The following ABCA2 variants were observed in gnomAD, a reference collection of about 807,000 sequenced individuals.
ABCA2 encodes the protein ATP-binding cassette sub-family A member 2.
Under a neutral mutation model 262.8 loss-of-function variants are expected in ABCA2, and 84 were observed. That is an observed-to-expected ratio of 0.32 (90% CI 0.27 to 0.38). The LOEUF is 0.38. Among genes scored for constraint, ABCA2 ranks in the 10% least tolerant of loss-of-function variants. The pLI is 1.00. For missense variants in ABCA2, 2,662 were observed against 3,405.9 expected, an observed-to-expected ratio of 0.78 and a Z score of 5.44; for synonymous variants, 1,696 against 1,502.9, an observed-to-expected ratio of 1.13 and a Z score of -2.97.
In ABCA2 at chr9:137,011,461, G is replaced by A. The variant is rs776706177; in HGVS notation, c.5745C>T (p.Ile1915=). The A allele has an allele frequency of 1.5e-5, 24 of 1,610,564 alleles. No homozygotes were observed. Among genetic ancestry groups the A allele is most frequent in the Admixed American group, 1.2e-4 (7 of 59,790 alleles). ...AGGTGGCCACGGTGGCGGTGATGCC[G>A]ATGAAGAGATTGATGACAATGAGGA... ...YVFLIVINLF[I]GITATVATFL... The change falls in exon 37 of 49, where the codon ATC becomes ATT. Residue 1915 remains isoleucine (I), a synonymous_variant. Coordinates refer to ENST00000341511, the MANE Select transcript of ABCA2 (RefSeq NM_001606.5). This position sits in a 1 kb window ranked among gnomAD's most constrained non-coding sequence, Gnocchi z 8.8.
chr9:137,013,890 C>T lies in ABCA2; in HGVS notation c.4389G>A (p.Leu1463=). The T allele has an allele frequency of 6.2e-7, 1 of 1,612,422 alleles. No individual in the cohort carries two copies. The highest frequency in any genetic ancestry group is 8.5e-7 in the Non-Finnish European group (1 of 1,179,802). Residue 1463 remains leucine, a synonymous_variant, in exon 28 of 49, where the codon TTG becomes TTA. Coordinates refer to ENST00000341511, the MANE Select transcript of ABCA2 (RefSeq NM_001606.5). ...CCACGCAGACGAAGAAGGCTGGCAGCAAGATCTGGGAGAAGAGTGCCTTGG... is the reference window on the plus strand; with the variant it reads ...CCACGCAGACGAAGAAGGCTGGCAGTAAGATCTGGGAGAAGAGTGCCTTGG... ...RNSKALFSQI[L]LPAFFVCVAM...
rs756750110 is a variant in ABCA2 at position 137,022,673 on chromosome 9, GC to G, written c.439+28del. On this transcript the variant is annotated intron_variant, in intron 5 of 48. Coordinates refer to ENST00000341511, the MANE Select transcript of ABCA2 (RefSeq NM_001606.5). ...ACAGCAGAGCTTTGCCCGCAGCCCT[GC>G]CCCCCAACTTCCCTGCACAGGGCAC... The G allele has an allele frequency of 6.3e-6, 10 of 1,596,024 alleles. No homozygotes were observed. In the South Asian group the frequency reaches 7.9e-5, roughly 13 times the overall value.
rs953521564 is a variant in ABCA2, at chr9:137,021,631, C to T, written c.679-21G>A. The stretch of plus-strand genomic sequence containing the variant: ...AGCTCCTGGGATGGGCACAGGGGTC[C>T]GTGGAGCCACGGCAAGGACTTTGTC... On this transcript the variant is annotated intron_variant, in intron 7 of 48. Transcript: ENST00000341511. This position sits in a 1 kb window ranked among gnomAD's most constrained non-coding sequence, Gnocchi z 6.0. The T allele has an allele frequency of 1.6e-5, 24 of 1,541,212 alleles. No individual in the cohort carries two copies. In the Admixed American group the frequency reaches 3.1e-4, roughly 20 times the overall value.
In ABCA2 at chr9:137,010,979, C is replaced by A. The variant is rs772518849; in HGVS notation, c.6050G>T (p.Arg2017Leu). 1.3e-6 allele frequency: 2 copies of A among 1,559,850 alleles called. No homozygotes were observed. Among genetic ancestry groups the A allele is most frequent in the Non-Finnish European group, 1.7e-6 (2 of 1,150,226 alleles). ...TIMCQYNFLR[R>L]PQRMPVSTKP... The stretch of plus-strand genomic sequence containing the variant: ...CACCCCGCCCCCCACTCACTGTGGC[C>A]GCCGCAGGAAGTTGTACTGGCACAT... The change falls in exon 39 of 49, where the codon CGG (arginine) becomes CTG (leucine). Residue 2017 changes from arginine (R) to leucine (L), a missense_variant. This residue lies in a region of ABCA2 where 602 missense variants were observed against 897.4 expected (regional missense o/e 0.67). Coordinates refer to ENST00000341511, the MANE Select transcript of ABCA2 (RefSeq NM_001606.5).
At chr9:137,028,672 C>T (rs1831750200), upstream of ABCA2, 1 of 1,183,344 alleles carries the variant, frequency 8.5e-7, no homozygotes, top group Non-Finnish European at 1.1e-6. The surrounding 1 kb of genome is among the most constrained non-coding windows in gnomAD (Gnocchi z 6.9). Flanking sequence ...TAAGGGTCTC[C>T]TGTGTGCTTT....
chr9:137,028,617 C>A, upstream of ABCA2: 1 of 1,078,420 alleles, frequency 9.3e-7, no homozygotes, highest in Non-Finnish European at 1.2e-6. The surrounding 1 kb of genome is among the most constrained non-coding windows in gnomAD (Gnocchi z 6.9). Flanking sequence ...TCACTGTCCC[C>A]GGGGCGCGCC....
At position 137,020,579 on chromosome 9, in the gene ABCA2, T is replaced by G; in HGVS notation, c.1266-84A>C. 11 of 1,546,556 alleles carry G rather than the reference T, an allele frequency of 7.1e-6. No homozygotes were observed. In the South Asian group the frequency reaches 1.2e-4, roughly 17 times the overall value. On this transcript the variant is annotated intron_variant, in intron 9 of 48. Transcript: ENST00000341511. ...GAGGGGCATCGGGATGGGGCAGGAC[T>G]TCGGGGCACAGGGCAGGGCGCCAAA...
At position 137,020,739 on chromosome 9, in the gene ABCA2, A is replaced by G; in HGVS notation, c.1220T>C (p.Val407Ala). The G allele has an allele frequency of 6.2e-6, 10 of 1,602,010 alleles. No individual in the cohort carries two copies. Among genetic ancestry groups the G allele is most frequent in the Non-Finnish European group, 8.5e-6 (10 of 1,179,038 alleles). Reference protein sequence around the residue: ...DTLQGQCSAFVQLWAGLQPIL... With the variant: ...DTLQGQCSAFAQLWAGLQPIL... ...GGGCTGCAGGCCGGCCCAGAGCTGTACGAAGGCTGAGCACTGGCCCTGCAG... is the reference window on the plus strand; with the variant it reads ...GGGCTGCAGGCCGGCCCAGAGCTGTGCGAAGGCTGAGCACTGGCCCTGCAG... Residue 407 changes from valine to alanine, a missense_variant, in exon 9 of 49, where the codon GTA becomes GCA. By Grantham distance (64) the Val-to-Ala change is moderately conservative (BLOSUM62 0). Transcript: ENST00000341511.
In ABCA2 at chr9:137,009,068, C is replaced by T. The variant is rs377540935; in HGVS notation, c.6828-15G>A. 39 of 1,601,726 alleles carry T rather than the reference C, an allele frequency of 2.4e-5. No individual in the cohort carries two copies. In the African/African-American group the frequency reaches 2.9e-4, roughly 12 times the overall value. On this transcript the variant is annotated splice_polypyrimidine_tract_variant and intron_variant, in intron 45 of 48. Coordinates refer to ENST00000341511, the MANE Select transcript of ABCA2 (RefSeq NM_001606.5). ...CATCTCCAAACCTGGTGGGACAGGC[C>T]GGTGGCCCGGAGCCCTGCGCCGCCC...
Position 137,008,737 on chromosome 9 carries a change from C to T in ABCA2, c.7062G>A (p.Leu2354=). ...IEDYSVSQTT[L]DNVFVNFAKK... Reference sequence around the variant, plus strand: ...GTGCCCTTGGGGCGCTCACATTGTCCAGTGTGGTCTGGCTGACCGAGTAGT... The same window carrying T: ...GTGCCCTTGGGGCGCTCACATTGTCTAGTGTGGTCTGGCTGACCGAGTAGT... Residue 2354 remains leucine, a synonymous_variant, in exon 47 of 49, where the codon CTG becomes CTA. Coordinates refer to ENST00000341511, the MANE Select transcript of ABCA2 (RefSeq NM_001606.5). 1.3e-6 allele frequency: 2 copies of T among 1,580,750 alleles called. No individual in the cohort carries two copies. Among genetic ancestry groups the T allele is most frequent in the Non-Finnish European group, 1.7e-6 (2 of 1,164,520 alleles).
chr9:137,014,559 C>A, intron 26 of ABCA2, 131 bp downstream of exon 26: 2 of 1,477,416 alleles, frequency 1.4e-6, no homozygotes, highest in South Asian at 1.3e-5. Context: ...CGCAGGCTAA[C>A]CCCGGGGCGT....
At chr9:137,016,219 C>T in intron 21 of ABCA2, 45 bp from the exon 22 acceptor site, 1 of 1,610,518 alleles carries the variant, frequency 6.2e-7, no homozygotes, top group Non-Finnish European at 8.5e-7. Context: ...TCTGCAGGGG[C>T]CCCACCCTGC....
In ABCA2 at chr9:137,011,536, G is replaced by A; in HGVS notation, c.5670C>T (p.Ile1890=). The part of the protein sequence containing the change: ...FLLYGWSITP[I]MYPASFWFEV... Reference sequence around the variant, plus strand: ...CGAACCAGAAGGAGGCCGGGTACATGATGGGCGTGATGGACCACCTGCGGG... The same window carrying A: ...CGAACCAGAAGGAGGCCGGGTACATAATGGGCGTGATGGACCACCTGCGGG... The change falls in exon 37 of 49, where the codon ATC becomes ATT. Residue 1890 remains isoleucine, a synonymous_variant. Coordinates refer to ENST00000341511, the MANE Select transcript of ABCA2 (RefSeq NM_001606.5). The surrounding 1 kb of genome is among the most constrained non-coding windows in gnomAD (Gnocchi z 8.8). 1 of 1,584,912 alleles carries A rather than the reference G, an allele frequency of 6.3e-7. No individual in the cohort carries two copies. Among genetic ancestry groups the A allele is most frequent in the Non-Finnish European group, 8.6e-7 (1 of 1,165,666 alleles).
In ABCA2 at chr9:137,007,753, G is replaced by A. The variant is rs1438609173; in HGVS notation, c.*176C>T. The A allele has an allele frequency of 9.4e-6, 8 of 850,264 alleles. No individual in the cohort carries two copies. In the East Asian group the frequency reaches 1.3e-4, roughly 14 times the overall value. 52.7% of individuals were successfully genotyped at this position (850,264 alleles called of 1,614,324 possible). A position where few individuals can be genotyped will look rare whatever the true frequency, so the allele number is the denominator to read the frequency against. ...TTTGGCACAATTAGGGGCGGCAACC[G>A]CAGTGACCACAGGGCATGGCCGAGT... On this transcript the variant is annotated 3_prime_UTR_variant, in exon 49 of 49. Transcript: ENST00000341511.
intron 31 of ABCA2, 31 bp downstream of exon 31, chr9:137,012,681 C>A (rs985878356): frequency 2.3e-5 from 37 of 1,611,276 alleles, no homozygotes; most frequent in Non-Finnish European, 3.1e-5. Flanking sequence ...TGGCCGGCCA[C>A]CCTCACCCAC....
In ABCA2 at chr9:137,023,603, C is replaced by A. The variant is rs1020851234; in HGVS notation, c.163+235G>T. 3.2e-5 allele frequency: 23 copies of A among 728,032 alleles called. No individual in the cohort carries two copies. In the Admixed American group the frequency reaches 3.4e-4, roughly 11 times the overall value. 45.1% of individuals were successfully genotyped at this position (728,032 alleles called of 1,614,324 possible). ...AAGGCAAGGCCAGGCAGAGAGATGC[C>A]GCCTCAGCTTGACCCAGGCACCAGC... On this transcript the variant is annotated intron_variant, in intron 3 of 48. Coordinates refer to ENST00000341511, the MANE Select transcript of ABCA2 (RefSeq NM_001606.5).
rs1831466506 is a variant in ABCA2 at position 137,021,933 on chromosome 9, C to T, written c.636G>A (p.Glu212=). The change falls in exon 7 of 49, where the codon GAG becomes GAA. Residue 212 remains glutamate (E), a synonymous_variant. Coordinates refer to ENST00000341511, the MANE Select transcript of ABCA2 (RefSeq NM_001606.5). The surrounding 1 kb of genome is among the most constrained non-coding windows in gnomAD (Gnocchi z 6.0). ...GATTGCCCCCTAGGCGGCTCCAGGG[C>T]TCCTGACCCTTGTGGAGGCCAGACT... ...DSQSGLHKGQ[E]PWSRLGGNPL... is the part of the protein sequence containing the mutation. 1.2e-6 allele frequency: 2 copies of T among 1,605,414 alleles called. No individual in the cohort carries two copies. The highest frequency in any genetic ancestry group is 1.7e-5 in the Admixed American group (1 of 58,640).
chr9:137,013,433 C>T, intron 29 of ABCA2, 28 bp downstream of exon 29: 2 of 1,583,436 alleles, frequency 1.3e-6, no homozygotes, highest in Non-Finnish European at 8.6e-7. Flanking sequence ...GCCCCACCCA[C>T]CAAGGCTGCC....
In ABCA2 at chr9:137,016,044, G is replaced by A. The variant is rs756365490; in HGVS notation, c.3235C>T (p.Arg1079Trp). 12 of 1,612,366 alleles carry A rather than the reference G, an allele frequency of 7.4e-6. No individual in the cohort carries two copies. The highest frequency in any genetic ancestry group is 2.2e-5 in the East Asian group (1 of 44,836). Residue 1079 changes from arginine to tryptophan, a missense_variant, in exon 22 of 49, where the codon CGG becomes TGG. By Grantham distance (101) the Arg-to-Trp change is moderately radical. This residue lies in a region of ABCA2 where 180 missense variants were observed against 307.3 expected (regional missense o/e 0.59). Coordinates refer to ENST00000341511, the MANE Select transcript of ABCA2 (RefSeq NM_001606.5). ...CAGAGGTGTTCCTCCACCGTGAGCC[G>A]GTCAAAGAGCACATTGTGCTGCGGG... ...MCPQHNVLFDRLTVEEHLWFY... is the reference protein window; with the variant it reads ...MCPQHNVLFDWLTVEEHLWFY...
Sources: gnomAD v4.1 joint callset for allele counts on GRCh38, gnomAD v4.1.1 for gene constraint, gnomAD v4.1.1 regional missense constraint, Gnocchi (gnomAD v3.1) non-coding constraint, MANE v1.5 for transcripts, NCBI Gene and HGNC (gene_info 2026-07-23, HGNC 2026-07-21) for gene names.